MAPK10: variants seen among roughly 807,000 people sequenced by gnomAD.
MAPK10 encodes mitogen-activated protein kinase 10.
Under a neutral mutation model 59.3 loss-of-function variants are expected in MAPK10, and 25 were observed. That is an observed-to-expected ratio of 0.42 (90% CI 0.31 to 0.59). MAPK10 has a LOEUF of 0.59. Among genes scored for constraint, MAPK10 ranks in the 20% least tolerant of loss-of-function variants. The pLI is 0.15. For missense variants in MAPK10, 351 were observed against 568.9 expected (o/e 0.62, Z 3.90); for synonymous variants, 190 against 200.5 (o/e 0.95, Z 0.44).
Position 86,548,517 on chromosome 4 carries a change from G to A in MAPK10, c.-263+45393C>T, listed in dbSNP as rs146943334. Among the ~76,000 whole-genome samples, 426 of 152,254 alleles carry A rather than the reference G, an allele frequency of 2.8e-3. 7 individuals are homozygous for A. Among genetic ancestry groups the A allele is most frequent in the East Asian group, 7.3e-3 (38 of 5,178 alleles). On this transcript the variant is annotated intron_variant, in intron 1 of 4. Coordinates refer to the MAPK10 transcript ENST00000502302. ...TGTTGAATTATAATCTCCAGGGCTG[G>A]AGGTGGGGTCTGGTGGGAGGTGACT...
At chr4:86,123,103 T>C (rs1364546582) in intron 4 of MAPK10, among the ~76,000 whole-genome samples, 1 of 152,074 alleles carries the variant, frequency 6.6e-6, no homozygotes, top group Non-Finnish European at 1.5e-5. Context: ...ATACACACTT[T>C]CCATAACTTT....
intron 1 of MAPK10, among the ~76,000 whole-genome samples, chr4:86,518,463 T>C (rs1438871771): frequency 2.6e-5 from 4 of 152,234 alleles, no homozygotes; most frequent in Admixed American, 6.5e-5. Context: ...TTGTAATATC[T>C]CCCATTTCAT....
At chr4:86,588,155 TG>T (rs1762762829) in intron 1 of MAPK10, among the ~76,000 whole-genome samples, 1 of 152,142 alleles carries the variant, frequency 6.6e-6, no homozygotes. Context: ...GAATACAGTC[TG>T]GGGGCTCCAT....
At chr4:86,566,375 C>A (rs1248182417) in intron 1 of MAPK10, among the ~76,000 whole-genome samples, 3 of 152,128 alleles carry the variant, frequency 2.0e-5, no homozygotes, top group Non-Finnish European at 4.4e-5. Context: ...AATATGAGTT[C>A]TTTTCAGAGA....
intron 2 of MAPK10, among the ~76,000 whole-genome samples, chr4:86,276,095 A>G (rs2094567832): frequency 6.6e-6 from 1 of 152,124 alleles, no homozygotes; most frequent in Non-Finnish European, 1.5e-5. Context: ...TGAAAACTGT[A>G]AATATTTCCA....
intron 3 of MAPK10, among the ~76,000 whole-genome samples, chr4:86,166,361 G>A (rs187294482): frequency 6.6e-6 from 1 of 152,244 alleles, no homozygotes; most frequent in Admixed American, 6.5e-5. Flanking sequence ...CTTTTTATTA[G>A]TGGAAAGGTT....
chr4:86,547,572 C>T (rs1411902545), intron 1 of MAPK10, among the ~76,000 whole-genome samples: 1 of 152,196 alleles, frequency 6.6e-6, no homozygotes, highest in Non-Finnish European at 1.5e-5. Flanking sequence ...GCGGAGCCTC[C>T]CCTAAGAGCG....
Position 86,016,393 on chromosome 4 carries a change from A to T in MAPK10, c.*835T>A, listed in dbSNP as rs2575674. 0.32 allele frequency: 48,235 copies of T among 152,496 alleles called. 9,420 individuals carry two copies. The highest frequency in any genetic ancestry group is 0.54 in the African/African-American group (22,348 of 41,418). 9.4% of individuals were successfully genotyped at this position (152,496 alleles called of 1,614,324 possible). ...TCAGCTTTTATTCACACCTGCCTTC[A>T]GAAGGCCAAACCATTTTGTGCCTGA... On this transcript the variant is annotated 3_prime_UTR_variant, in exon 14 of 14. Coordinates refer to ENST00000641462, the MANE Select transcript of MAPK10 (RefSeq NM_138982.4).
intron 9 of MAPK10, among the ~76,000 whole-genome samples, chr4:86,077,895 G>A (rs2049839886): frequency 6.6e-6 from 1 of 152,130 alleles, no homozygotes; most frequent in Non-Finnish European, 1.5e-5. Flanking sequence ...TAGCTTCGTA[G>A]GAAAGAATTT....
chr4:86,149,352 C>G lies in MAPK10; in HGVS notation c.236+9946G>C, dbSNP rs575858961. On this transcript the variant is annotated intron_variant, in intron 4 of 13. Transcript: ENST00000641462. ...CGCAATCTCGGCTCACTGCAGCCTC[C>G]GCCCCCCAGGTTCAAGCGATTCTCC... Among the ~76,000 whole-genome samples, 205 of 152,222 alleles carry G rather than the reference C, an allele frequency of 1.3e-3. 1 individual carries two copies. The highest frequency in any genetic ancestry group is 4.8e-3 in the African/African-American group (198 of 41,526).
chr4:86,522,216 CATT>C (rs897470675), intron 1 of MAPK10, among the ~76,000 whole-genome samples: 2 of 152,260 alleles, frequency 1.3e-5, no homozygotes, highest in African/African-American at 4.8e-5. Flanking sequence ...GCATTTTTCT[CATT>C]ATGTGTTTTG....
At chr4:86,511,717 G>A (rs1297112486) in intron 1 of MAPK10, among the ~76,000 whole-genome samples, 1 of 147,630 alleles carries the variant, frequency 6.8e-6, no homozygotes, top group Non-Finnish European at 1.5e-5. Context: ...GGAGGAGGAG[G>A]AGCGGGAGCA....
chr4:86,177,509 T>C (rs551105634), intron 3 of MAPK10, among the ~76,000 whole-genome samples: 6 of 152,242 alleles, frequency 3.9e-5, no homozygotes, highest in African/African-American at 1.4e-4. Flanking sequence ...TCAAATGAAA[T>C]GAGCAAGTTA....
At chr4:86,238,255 A>G (rs2092435255) in intron 2 of MAPK10, among the ~76,000 whole-genome samples, 1 of 152,132 alleles carries the variant, frequency 6.6e-6, no homozygotes, top group Non-Finnish European at 1.5e-5. Flanking sequence ...GTAGCCTTGT[A>G]GTATAGTTTG....
chr4:86,483,883 AG>A (rs1169838024), intron 1 of MAPK10, among the ~76,000 whole-genome samples: 2 of 152,206 alleles, frequency 1.3e-5, no homozygotes, highest in African/African-American at 4.8e-5. Flanking sequence ...ATAAAAGAAG[AG>A]GGGGAGGGGA....
At chr4:86,128,815 G>T (rs765495865) in intron 4 of MAPK10, among the ~76,000 whole-genome samples, 1 of 152,008 alleles carries the variant, frequency 6.6e-6, no homozygotes, top group Admixed American at 6.6e-5. Context: ...TTGCTGTGAT[G>T]CATGACAACT....
chr4:86,105,695 TA>T (rs2149081453), intron 5 of MAPK10, among the ~76,000 whole-genome samples: 2 of 152,300 alleles, frequency 1.3e-5, no homozygotes, highest in South Asian at 4.1e-4. Context: ...TACCTTTATT[TA>T]ACATACTGAA....
intron 2 of MAPK10, among the ~76,000 whole-genome samples, chr4:86,197,518 G>A (rs796618673): frequency 6.6e-6 from 1 of 152,112 alleles, no homozygotes; most frequent in South Asian, 2.1e-4. Flanking sequence ...CAGACAATTT[G>A]CCAGCCATCT....
intron 1 of MAPK10, among the ~76,000 whole-genome samples, chr4:86,461,491 G>A (rs765945628): frequency 6.6e-6 from 1 of 152,184 alleles, no homozygotes; most frequent in South Asian, 2.1e-4. Context: ...AAGGTGGGTG[G>A]ATCACTTCAC....
Sources: allele counts gnomAD v4.1 joint callset (sites outside exome capture counted in the v4.1 genomes callset), GRCh38; gene constraint gnomAD v4.1.1; transcripts MANE v1.5; gene names NCBI Gene and HGNC (gene_info 2026-07-23, HGNC 2026-07-21).